The following LPA variants were observed in gnomAD, a reference collection of about 807,000 sequenced individuals.
LPA encodes the protein apolipoprotein(a).
In LPA, 199 loss-of-function variants were observed where a neutral mutation model predicts 197.9. The ratio of observed to expected loss-of-function variants is 1.01; its 90% CI spans 0.90 to 1.13. LPA has a LOEUF of 1.13. Ranked by LOEUF, LPA falls within the 50% of genes most tolerant of loss-of-function variation. The probability of loss-of-function intolerance (pLI) is 0.00; values close to 1 mark genes in which losing one functional copy is unlikely to be tolerated. For missense variants in LPA, 1,853 were observed against 1,785.8 expected (o/e 1.04, Z -0.68); for synonymous variants, 715 against 639.5 (o/e 1.12, Z -1.78).
chr6:160,654,081 TTATATATATTA>T (rs1780085356), intron 1 of LPA, among the ~76,000 whole-genome samples: 1 of 22,068 alleles, frequency 4.5e-5, no homozygotes, highest in Non-Finnish European at 8.8e-5. Flanking sequence ...ATAATATATA[TTATATATATTA>T]TATATAATAT....
chr6:160,595,911 C>T (rs1031100923), intron 20 of LPA, among the ~76,000 whole-genome samples: 2 of 152,172 alleles, frequency 1.3e-5, no homozygotes, highest in African/African-American at 4.8e-5. Flanking sequence ...ACCCTCCTTC[C>T]ACCTTCTGTG....
intron 1 of LPA, 43 bp downstream of exon 1, chr6:160,664,123 G>A: frequency 2.0e-6 from 3 of 1,524,636 alleles, no homozygotes; most frequent in South Asian, 1.2e-5. Flanking sequence ...CTACATTGTG[G>A]GAGAAAAAAT....
intron 1 of LPA, among the ~76,000 whole-genome samples, chr6:160,657,939 G>C (rs1780159226): frequency 6.6e-6 from 1 of 152,090 alleles, no homozygotes; most frequent in African/African-American, 2.4e-5. Context: ...CCTCACCTCT[G>C]GGGCCCGCAA....
intron 18 of LPA, among the ~76,000 whole-genome samples, chr6:160,604,111 C>T (rs549603189): frequency 1.6e-4 from 24 of 152,294 alleles, no homozygotes; most frequent in African/African-American, 3.8e-4. Context: ...GACTACTATG[C>T]GTGCCCCTGG....
chr6:160,542,017 A>C (rs777281161), intron 34 of LPA, among the ~76,000 whole-genome samples: 1 of 152,202 alleles, frequency 6.6e-6, no homozygotes, highest in Non-Finnish European at 1.5e-5. Flanking sequence ...CCTGGTGTAG[A>C]AAGGAGATGA....
intron 22 of LPA, among the ~76,000 whole-genome samples, chr6:160,592,762 G>C (rs1779053975): frequency 6.6e-6 from 1 of 152,178 alleles, no homozygotes; most frequent in Admixed American, 6.5e-5. Flanking sequence ...GGTTGCTGGA[G>C]TGTTTCTGGA....
intron 30 of LPA, among the ~76,000 whole-genome samples, chr6:160,555,762 A>G (rs41264326): frequency 4.1e-4 from 63 of 152,144 alleles, no homozygotes; most frequent in African/African-American, 1.4e-3. Flanking sequence ...GTATTTGATC[A>G]TTTGATCTCT....
At chr6:160,562,805 T>A (rs1477309274) in intron 28 of LPA, among the ~76,000 whole-genome samples, 1 of 152,212 alleles carries the variant, frequency 6.6e-6, no homozygotes, top group Non-Finnish European at 1.5e-5. Flanking sequence ...GGAGGGTGTA[T>A]GTGTCCAGGA....
In LPA at chr6:160,595,438, T is replaced by G; in HGVS notation, c.3385A>C (p.Thr1129Pro). ...CTTGATTCTGTCACCAGGCATTGTG[T>G]CAGGTTGCAGTACTCCCACCTGACA... ...PSVRWEYCNL[T>P]QCLVTESSVL... The change falls in exon 21 of 39, where the codon ACA becomes CCA. Residue 1129 changes from threonine (T) to proline (P), a missense_variant. By Grantham distance (38) the Thr-to-Pro change is conservative. Around this residue, in one of 3 missense-constraint regions of LPA, gnomAD observed 1,737 missense variants for 1,504.4 expected, o/e 1.15. Coordinates refer to ENST00000316300, the MANE Select transcript of LPA (RefSeq NM_005577.4). 6.2e-7 allele frequency: 1 copy of G among 1,613,442 alleles called. No individual in the cohort carries two copies. The highest frequency in any genetic ancestry group is 8.5e-7 in the Non-Finnish European group (1 of 1,179,850).
intron 8 of LPA, among the ~76,000 whole-genome samples, chr6:160,632,786 C>T (rs1362208001): frequency 1.5e-4 from 6 of 41,014 alleles, no homozygotes; most frequent in African/African-American, 8.4e-4. Context: ...TCATGTCAGG[C>T]CAACGACTGG....
intron 32 of LPA, 143 bp from the exon 33 acceptor site, chr6:160,545,676 G>A (rs1179606585): frequency 6.0e-6 from 4 of 672,064 alleles, no homozygotes; most frequent in African/African-American, 1.8e-5. Flanking sequence ...TATATTTTTT[G>A]ACAAAGTTAT....
Position 160,576,367 on chromosome 6 carries a change from CATATAT to C in LPA, c.4631+763_4631+768del, listed in dbSNP as rs1158223888. On this transcript the variant is annotated intron_variant, in intron 28 of 38. Coordinates refer to ENST00000316300, the MANE Select transcript of LPA (RefSeq NM_005577.4). ...ATATATATATATATATATATATATA[CATATAT>C]ATATATATATATATATGTATATATA... Among the ~76,000 whole-genome samples, 444 of 77,954 alleles carry C rather than the reference CATATAT, an allele frequency of 5.7e-3. 2 individuals carry two copies. The highest frequency in any genetic ancestry group is 0.013 in the African/African-American group (277 of 22,030). The allele number at this position is 77,954 out of a possible 152,430, so 51.1% of individuals were successfully genotyped here.
At chr6:160,611,379 G>A (rs1423605917) in intron 16 of LPA, among the ~76,000 whole-genome samples, 183 bp downstream of exon 16, 1 of 152,060 alleles carries the variant, frequency 6.6e-6, no homozygotes, top group African/African-American at 2.4e-5. Context: ...GGAGGAAGGT[G>A]AGGCAGCTTA....
At chr6:160,600,830 A>G (rs1779223771) in intron 19 of LPA, 87 bp downstream of exon 19, 1 of 1,392,262 alleles carries the variant, frequency 7.2e-7, no homozygotes, top group Non-Finnish European at 1.0e-6. Flanking sequence ...GAACCAGTGT[A>G]GCACTGAAGG....
rs1195591245 is a variant in LPA at position 160,610,671 on chromosome 6, G to C, written c.2603+891C>G. Among the ~76,000 whole-genome samples, 4 of 152,084 alleles carry C rather than the reference G, an allele frequency of 2.6e-5. No homozygotes were observed. In the East Asian group the frequency reaches 5.8e-4, roughly 22 times the overall value. On this transcript the variant is annotated intron_variant, in intron 16 of 38. Transcript: ENST00000316300. ...TTCCTCCACAAACCAGTTCTTATTT[G>C]TAGCGGACCTAGAAAATACCAGAGT...
chr6:160,657,198 A>G (rs1182973320), intron 1 of LPA, among the ~76,000 whole-genome samples: 1 of 152,136 alleles, frequency 6.6e-6, no homozygotes, highest in African/African-American at 2.4e-5. Flanking sequence ...CTATTTCACA[A>G]AGCTTCGGCC....
intron 28 of LPA, among the ~76,000 whole-genome samples, chr6:160,560,449 A>T (rs1285782033): frequency 6.6e-6 from 1 of 152,192 alleles, no homozygotes; most frequent in Non-Finnish European, 1.5e-5. Context: ...CCTCTTCAGC[A>T]TCTGTTGTTT....
chr6:160,532,637 G>A lies in LPA; in HGVS notation c.5855C>T (p.Thr1952Ile). Residue 1952 changes from threonine to isoleucine, a missense_variant, in exon 38 of 39, where the codon ACT becomes ATT. Physicochemically the swap from Thr to Ile is moderately conservative, Grantham distance 89. Coordinates refer to ENST00000316300, the MANE Select transcript of LPA (RefSeq NM_005577.4). ...GWGETQGTFG[T>I]GLLKEAQLLV... ...GAGCTGGGCTTCCTTGAGAAGGCCA[G>A]TCCCAAAGGTACCTGTGTTTAAAAA... The A allele has an allele frequency of 6.3e-7, 1 of 1,597,840 alleles. No homozygotes were observed. The highest frequency in any genetic ancestry group is 1.3e-5 in the African/African-American group (1 of 74,648).
At chr6:160,555,272 A>AT (rs1778236576) in intron 30 of LPA, among the ~76,000 whole-genome samples, 1 of 124,688 alleles carries the variant, frequency 8.0e-6, no homozygotes, top group Non-Finnish European at 1.6e-5. Flanking sequence ...ATATTATATT[A>AT]TATTATATTA....
Sources: allele counts gnomAD v4.1 joint callset (sites outside exome capture counted in the v4.1 genomes callset), GRCh38; gene constraint gnomAD v4.1.1; regional missense constraint gnomAD v4.1.1; transcripts MANE v1.5; gene names NCBI Gene and HGNC (gene_info 2026-07-23, HGNC 2026-07-21).